Variants in LAMA4 observed in about 807,000 individuals in gnomAD.
LAMA4 encodes laminin subunit alpha 4, also known as laminin subunit alpha-4.
In LAMA4, 127 loss-of-function variants were observed where a neutral mutation model predicts 207.1. That is an observed-to-expected ratio of 0.61 (90% CI 0.53 to 0.71). The LOEUF (loss-of-function observed/expected upper bound fraction) is 0.71. LAMA4 is among the 30% of genes least tolerant of loss of function. LAMA4 has a pLI of 0.00. For missense variants in LAMA4, 2,093 were observed against 2,246.5 expected, an observed-to-expected ratio of 0.93 and a Z score of 1.38; for synonymous variants, 761 against 816.0, an observed-to-expected ratio of 0.93 and a Z score of 1.15.
chr6:112,139,222 CA>C lies in LAMA4; in HGVS notation c.3179del (p.Val1060GlyfsTer13). 6.2e-7 allele frequency: 1 copy of C among 1,614,184 alleles called. No individual in the cohort carries two copies. The highest frequency in any genetic ancestry group is 8.5e-7 in the Non-Finnish European group (1 of 1,180,004). The part of the protein sequence containing the change: ...YFFDGSGYAV[V>X]RDITRRGKFG... ...ATTTCCCTCTCCTTGTGATGTCTCT[CA>C]CCACGGCATAACCGGAGCCATCGAA... On this transcript the variant is annotated frameshift_variant, in exon 24 of 39. Transcript: ENST00000230538. LOFTEE classifies it high-confidence loss of function.
intron 6 of LAMA4, among the ~76,000 whole-genome samples, chr6:112,190,947 C>CTTTCTTTCTTTCCTTTCTTTCTTTCTTT (rs1491586717): frequency 2.5e-5 from 1 of 40,472 alleles, no homozygotes; most frequent in African/African-American, 1.1e-4. Context: ...TTCTTTCTTT[C>CTTTCTTTCTTTCCTTTCTTTCTTTCTTT]CTTTCTTTCT....
At chr6:112,140,721 T>A (rs2114699737) in intron 22 of LAMA4, 39 bp downstream of exon 22, 1 of 1,593,638 alleles carries the variant, frequency 6.3e-7, no homozygotes, top group Non-Finnish European at 8.6e-7. Flanking sequence ...ACAATTACTG[T>A]AGATTTGTAA....
chr6:112,218,087 T>C (rs374883556), intron 2 of LAMA4: 2 of 152,236 alleles, frequency 1.3e-5, no homozygotes, highest in East Asian at 3.9e-4. Context: ...GAGTATATCC[T>C]GGTCATGACC....
Position 112,134,539 on chromosome 6 carries a change from T to C in LAMA4, c.3485A>G (p.Asp1162Gly). The C allele has an allele frequency of 1.9e-6, 3 of 1,612,114 alleles. No homozygotes were observed. Among genetic ancestry groups the C allele is most frequent in the African/African-American group, 1.3e-5 (1 of 74,994 alleles). ...VVDRRHVKSM[D>G]NEKMKIPFTD... ...AAAAGGTATTTTCATCTTTTCATTA[T>C]CCATGCTCTTGACATGCCTTCTGTC... is the stretch of plus-strand genomic sequence containing the variant. The change falls in exon 26 of 39, where the codon GAT becomes GGT. Residue 1162 changes from aspartate to glycine, a missense_variant. By Grantham distance (94) the Asp-to-Gly change is moderately conservative (BLOSUM62 -1). This residue lies in a region of LAMA4 where 1,704 missense variants were observed against 1,788.4 expected (regional missense o/e 0.95). Coordinates refer to ENST00000230538, the MANE Select transcript of LAMA4 (RefSeq NM_001105206.3).
Position 112,148,318 on chromosome 6 carries a change from A to G in LAMA4, c.2192T>C (p.Leu731Pro), listed in dbSNP as rs782051380. ...CTCGGTGATCAGTCTAGACTGCCCC[A>G]GGCGCTGCTGGGCATCCCCTTTACA... The part of the protein sequence containing the change: ...AAERGDAQQR[L>P]GQSRLITEEA... Residue 731 changes from leucine (L) to proline (P), a missense_variant, in exon 18 of 39, where the codon CTG (leucine) becomes CCG (proline). Physicochemically the swap from Leu to Pro is moderately conservative, Grantham distance 98. Transcript: ENST00000230538. 2 of 1,614,164 alleles carry G rather than the reference A, an allele frequency of 1.2e-6. No individual in the cohort carries two copies. The highest frequency in any genetic ancestry group is 1.7e-6 in the Non-Finnish European group (2 of 1,180,014).
rs397516730 is a variant in LAMA4 at position 112,122,043 on chromosome 6, A to C, written c.4446T>G (p.Phe1482Leu). Residue 1482 changes from phenylalanine to leucine, a missense_variant, in exon 32 of 39, where the codon TTT becomes TTG. This residue lies in a region of LAMA4 where 383 missense variants were observed against 437.8 expected (regional missense o/e 0.87). Transcript: ENST00000230538. ...YGGTANSRQE[F>L]EHLKGDFGAK... ...CACCAAAATCTCCTTTTAAGTGTTC[A>C]AACTCTTGGCGGCTGTTGGCTGTTC... The C allele has an allele frequency of 5.0e-6, 8 of 1,614,000 alleles. No individual in the cohort carries two copies. Among genetic ancestry groups the C allele is most frequent in the Non-Finnish European group, 6.8e-6 (8 of 1,179,942 alleles).
At chr6:112,140,153 T>C (rs1779604643) in intron 22 of LAMA4, among the ~76,000 whole-genome samples, 1 of 152,204 alleles carries the variant, frequency 6.6e-6, no homozygotes, top group South Asian at 2.1e-4. Flanking sequence ...AAATCAGTCC[T>C]TGCGCCAGCT....
At chr6:112,219,789 G>A (rs2115075184) in intron 2 of LAMA4, among the ~76,000 whole-genome samples, 1 of 152,262 alleles carries the variant, frequency 6.6e-6, no homozygotes, top group African/African-American at 2.4e-5. Context: ...CACCACAGTA[G>A]CCCTATGAGG....
intron 28 of LAMA4, among the ~76,000 whole-genome samples, chr6:112,131,588 A>G (rs116150664): frequency 0.017 from 2,622 of 152,218 alleles, 55 homozygotes; most frequent in African/African-American, 0.058. Context: ...TTGTCTTAAA[A>G]TATTTGGCAA....
At chr6:112,185,465 T>C (rs1430594159) in intron 8 of LAMA4, 118 bp from the exon 9 acceptor site, 1 of 712,744 alleles carries the variant, frequency 1.4e-6, no homozygotes, top group East Asian at 2.5e-5. Flanking sequence ...TTTCTCAAAA[T>C]AGTGGGGTCC....
intron 2 of LAMA4, among the ~76,000 whole-genome samples, chr6:112,249,382 G>A (rs1436486628): frequency 7.1e-6 from 1 of 140,380 alleles, no homozygotes; most frequent in Non-Finnish European, 1.5e-5. Flanking sequence ...GGCAGGGGTT[G>A]CAGTGAGCTG....
chr6:112,113,251 T>G (rs1777810165), intron 38 of LAMA4, among the ~76,000 whole-genome samples: 1 of 152,220 alleles, frequency 6.6e-6, no homozygotes, highest in Admixed American at 6.5e-5. Context: ...TCATTACACA[T>G]TGTATACAGG....
At chr6:112,187,308 T>C in intron 8 of LAMA4, 142 bp downstream of exon 8, 1 of 942,266 alleles carries the variant, frequency 1.1e-6, no homozygotes, top group South Asian at 1.4e-5. Context: ...ATTACTTATG[T>C]TTTCTATGTT....
chr6:112,159,029 T>C (rs1456448235), intron 13 of LAMA4, 149 bp from the exon 14 acceptor site: 37 of 633,720 alleles, frequency 5.8e-5, no homozygotes, highest in Non-Finnish European at 8.3e-5. Context: ...ACTGTAAGTA[T>C]ATGTCTATTT....
At chr6:112,149,849 G>C (rs921070684) in intron 17 of LAMA4, among the ~76,000 whole-genome samples, 4 of 152,186 alleles carry the variant, frequency 2.6e-5, no homozygotes, top group African/African-American at 9.7e-5. Context: ...CTGTAGCTAG[G>C]ATTTGCTCAT....
At position 112,117,870 on chromosome 6, in the gene LAMA4, C is replaced by T. The variant is rs1554324547; in HGVS notation, c.4850G>A (p.Cys1617Tyr). 1 of 1,613,608 alleles carries T rather than the reference C, an allele frequency of 6.2e-7. No individual in the cohort carries two copies. The highest frequency in any genetic ancestry group is 8.5e-7 in the Non-Finnish European group (1 of 1,179,646). The change falls in exon 35 of 39, where the codon TGT (cysteine) becomes TAT (tyrosine). Residue 1617 changes from cysteine to tyrosine, a missense_variant. Physicochemically the swap from Cys to Tyr is radical, Grantham distance 194. Coordinates refer to ENST00000230538, the MANE Select transcript of LAMA4 (RefSeq NM_001105206.3). The surrounding 1 kb of genome is among the most constrained non-coding windows in gnomAD (Gnocchi z 4.5). ...CCCATTGAGCTGGAGATTGCTGAGA[C>T]AGCCACTAAAACTGTAGATGGAGTT... ...QINSIYSFSG[C>Y]LSNLQLNGAS...
intron 24 of LAMA4, among the ~76,000 whole-genome samples, chr6:112,136,981 A>G (rs75417684): frequency 0.041 from 6,311 of 152,258 alleles, 422 homozygotes; most frequent in African/African-American, 0.14. Flanking sequence ...AGTAAAATTA[A>G]AAAATAATTT....
At chr6:112,147,358 G>C (rs1780090762) in intron 18 of LAMA4, among the ~76,000 whole-genome samples, 2 of 152,150 alleles carry the variant, frequency 1.3e-5, no homozygotes, top group Non-Finnish European at 2.9e-5. Flanking sequence ...ATGGGTATTT[G>C]TAAATTGGAA....
intron 25 of LAMA4, 75 bp from the exon 26 acceptor site, chr6:112,134,684 A>G (rs782593495): frequency 1.9e-4 from 232 of 1,198,358 alleles, no homozygotes; most frequent in Non-Finnish European, 2.6e-4. Context: ...TATATATTTT[A>G]ATTCTCCTGG....
Sources: gnomAD v4.1 joint callset for allele counts (sites outside exome capture counted in the v4.1 genomes callset) on GRCh38, gnomAD v4.1.1 for gene constraint, gnomAD v4.1.1 regional missense constraint, Gnocchi (gnomAD v3.1) non-coding constraint, MANE v1.5 for transcripts, NCBI Gene and HGNC (gene_info 2026-07-23, HGNC 2026-07-21) for gene names.